GPHN: variants seen among roughly 807,000 people sequenced by gnomAD.
GPHN encodes the protein gephyrin.
GPHN carries 17 observed loss-of-function variants against 95.5 expected under a neutral mutation model. That is an observed-to-expected ratio of 0.18 (90% confidence interval 0.12 to 0.27). The LOEUF is 0.27. GPHN is among the 10% of genes least tolerant of loss of function. The pLI is 1.00. For synonymous variants in GPHN, 320 were observed against 322.5 expected, an observed-to-expected ratio of 0.99 and a Z score of 0.08; for missense variants, 660 against 978.1, an observed-to-expected ratio of 0.67 and a Z score of 4.34.
chr14:67,731,165 T>C, the GPHN span, among the ~76,000 whole-genome samples: 2 of 151,510 alleles, frequency 1.3e-5, no homozygotes, highest in African/African-American at 4.8e-5. Context: ...CAAAATGACA[T>C]ATGTGGCTCA....
At chr14:66,849,682 T>C (rs1183372603) in intron 4 of GPHN, among the ~76,000 whole-genome samples, 1 of 152,120 alleles carries the variant, frequency 6.6e-6, no homozygotes, top group Non-Finnish European at 1.5e-5. Context: ...CTTGAATTTA[T>C]TCAGTTTTGT....
At chr14:67,201,752 G>A in the GPHN span, 144 of 328,052 alleles carry the variant, frequency 4.4e-4, 1 homozygote, top group African/African-American at 2.9e-3. Flanking sequence ...GTTTGGGTAA[G>A]TTATCAATAG....
At chr14:67,373,630 C>T in the GPHN span, among the ~76,000 whole-genome samples, 1 of 152,206 alleles carries the variant, frequency 6.6e-6, no homozygotes, top group East Asian at 1.9e-4. Context: ...TTGTAGGTTT[C>T]AGCCATTTTT....
intron 12 of GPHN, among the ~76,000 whole-genome samples, chr14:67,095,930 A>C (rs1399249661): frequency 1.4e-5 from 2 of 145,962 alleles, no homozygotes; most frequent in African/African-American, 5.2e-5. Context: ...AAAGTATAAT[A>C]ATAATAAAAA....
intron 8 of GPHN, among the ~76,000 whole-genome samples, chr14:66,952,108 G>A (rs895768500): frequency 2.0e-5 from 3 of 152,084 alleles, no homozygotes; most frequent in Admixed American, 6.5e-5. Flanking sequence ...CATTCACAGT[G>A]TTGTACAACT....
rs1044860317 is a variant in GPHN at position 66,576,665 on chromosome 14, A to C, written c.64+68074A>C. Among the ~76,000 whole-genome samples, 7 of 152,260 alleles carry C rather than the reference A, an allele frequency of 4.6e-5. 1 individual carries two copies. Among genetic ancestry groups the C allele is most frequent in the Non-Finnish European group, 8.8e-5 (6 of 68,006 alleles). ...ATTTGGGGGATTTGGTGGGGTAGGA[A>C]ATTTTGGTGGAAGTAATAGGAAGAA... On this transcript the variant is annotated intron_variant, in intron 1 of 22. Coordinates refer to ENST00000478722, the MANE Select transcript of GPHN (RefSeq NM_020806.5).
chr14:67,368,029 C>A, the GPHN span, among the ~76,000 whole-genome samples: 2 of 152,154 alleles, frequency 1.3e-5, no homozygotes, highest in African/African-American at 4.8e-5. Context: ...ATGACACAGT[C>A]CAATGCCCTT....
chr14:67,293,139 G>A, the GPHN span, among the ~76,000 whole-genome samples: 2 of 152,012 alleles, frequency 1.3e-5, no homozygotes, highest in Non-Finnish European at 2.9e-5. Context: ...GTATTTGGAA[G>A]TTTTCCTCCT....
chr14:66,954,454 CAACTGATTTTTGTGTGTTCTT>C (rs1432683763), intron 8 of GPHN, among the ~76,000 whole-genome samples: 81 of 152,064 alleles, frequency 5.3e-4, no homozygotes, highest in African/African-American at 1.9e-3. Context: ...TATAGAAATA[CAACTGATTTTTGTGTGTTCTT>C]CATGTATTCT....
chr14:67,461,545 C>A, the GPHN span, among the ~76,000 whole-genome samples: 1 of 152,170 alleles, frequency 6.6e-6, no homozygotes, highest in African/African-American at 2.4e-5. Context: ...CCAGCCCTTA[C>A]CCTCACTCTC....
the GPHN span, chr14:67,576,117 T>C: frequency 1.2e-6 from 1 of 808,900 alleles, no homozygotes; most frequent in Non-Finnish European, 2.0e-6. This position sits in a 1 kb window ranked among gnomAD's most constrained non-coding sequence, Gnocchi z 4.0. Context: ...TTTTGGACAC[T>C]TTGGCAACTA....
chr14:67,195,782 C>T, the GPHN span, among the ~76,000 whole-genome samples: 1 of 151,424 alleles, frequency 6.6e-6, no homozygotes, highest in Non-Finnish European at 1.5e-5. Context: ...CTTGCTCTGT[C>T]GCCCAGGCTG....
chr14:67,691,268 G>A, the GPHN span: 30 of 1,557,300 alleles, frequency 1.9e-5, no homozygotes, highest in Middle Eastern at 1.7e-4. Flanking sequence ...ACGATGGAGC[G>A]TGGAAGTGGC....
intron 1 of GPHN, among the ~76,000 whole-genome samples, chr14:66,615,587 T>C (rs1220384911): frequency 6.6e-6 from 1 of 152,050 alleles, no homozygotes; most frequent in African/African-American, 2.4e-5. Flanking sequence ...TGTAAATTTG[T>C]TTAAGTTCCT....
At chr14:66,545,955 A>C (rs1594903937) in intron 1 of GPHN, among the ~76,000 whole-genome samples, 2 of 137,008 alleles carry the variant, frequency 1.5e-5, no homozygotes, top group Admixed American at 1.5e-4. Context: ...CCGGGCGGTG[A>C]CGCTCCTCAC....
chr14:66,760,877 G>T, intron 2 of GPHN: 1 of 872,110 alleles, frequency 1.1e-6, no homozygotes, highest in Non-Finnish European at 1.8e-6. Flanking sequence ...AAGAAAAAGA[G>T]CGACAGAAAG....
At chr14:67,650,566 G>A in the GPHN span, 2 of 665,016 alleles carry the variant, frequency 3.0e-6, no homozygotes, top group Non-Finnish European at 5.3e-6. Flanking sequence ...AGAGGATGAG[G>A]TGCAAGGGGC....
chr14:66,573,038 A>G (rs768042659), intron 1 of GPHN, among the ~76,000 whole-genome samples: 14 of 152,190 alleles, frequency 9.2e-5, no homozygotes, highest in African/African-American at 3.4e-4. Context: ...ACCACATTTC[A>G]TATCATTGTG....
At chr14:67,678,422 C>T in the GPHN span, 2 of 1,607,494 alleles carry the variant, frequency 1.2e-6, no homozygotes, top group Non-Finnish European at 1.7e-6. Flanking sequence ...ACATGACAGT[C>T]ACTGGAAGGT....
Sources: allele counts gnomAD v4.1 joint callset (sites outside exome capture counted in the v4.1 genomes callset), GRCh38; gene constraint gnomAD v4.1.1; non-coding constraint Gnocchi (gnomAD v3.1); transcripts MANE v1.5; gene names NCBI Gene and HGNC (gene_info 2026-07-23, HGNC 2026-07-21).